The following OC90 variants were observed in gnomAD, a reference collection of about 807,000 sequenced individuals.
OC90 encodes the protein otoconin-90.
Under a neutral mutation model 47.3 loss-of-function variants are expected in OC90, and 46 were observed. The ratio of observed to expected loss-of-function variants is 0.97; its 90% CI spans 0.77 to 1.24. The LOEUF (loss-of-function observed/expected upper bound fraction) is 1.24, where lower values mean the gene tolerates loss of function less well. Ranked by LOEUF, OC90 falls within the 50% of genes most tolerant of loss-of-function variation. The pLI is 0.00. For missense variants in OC90, 688 were observed against 583.9 expected (o/e 1.18, Z -1.84); for synonymous variants, 271 against 219.5 (o/e 1.23, Z -2.07).
chr8:132,044,909 C>T (rs1031271828), intron 3 of OC90, among the ~76,000 whole-genome samples: 15 of 152,156 alleles, frequency 9.9e-5, no homozygotes, highest in East Asian at 3.8e-4. Flanking sequence ...GCTTCTAAGC[C>T]GGGGCTGGTC....
chr8:132,041,076 T>C lies in OC90; in HGVS notation c.425A>G (p.Glu142Gly). ...GATCTTCTTGCTGACACAATTGACC[T>C]CTGTGCTAAGTTTGGCGGGGTCTTG... The part of the protein sequence containing the change: ...CLQDPAKLST[E>G]VNCVSKKIIC... The change falls in exon 6 of 14, where the codon GAG (glutamate) becomes GGG (glycine). Residue 142 changes from glutamate (E) to glycine (G), a missense_variant. By Grantham distance (98) the Glu-to-Gly change is moderately conservative. Coordinates refer to ENST00000254627, the MANE Select transcript of OC90 (RefSeq NM_001080399.3). 6.2e-7 allele frequency: 1 copy of C among 1,612,320 alleles called. No homozygotes were observed.
In OC90 at chr8:132,052,641, C is replaced by A. The variant is rs921165622; in HGVS notation, c.46+2340G>T. Among the ~76,000 whole-genome samples the A allele has an allele frequency of 3.3e-5, 5 of 152,208 alleles. No homozygotes were observed. In the East Asian group the frequency reaches 9.6e-4, roughly 29 times the overall value. On this transcript the variant is annotated intron_variant, in intron 2 of 13. Coordinates refer to ENST00000254627, the MANE Select transcript of OC90 (RefSeq NM_001080399.3). ...TTTATCCCCGAGGACTAAGTTAGTTCACTCACAAAGTCCAACAGTGCAGCT... is the reference window on the plus strand; with the variant it reads ...TTTATCCCCGAGGACTAAGTTAGTTAACTCACAAAGTCCAACAGTGCAGCT...
chr8:132,044,611 T>C (rs941607836), intron 3 of OC90, 122 bp from the exon 4 acceptor site: 3 of 641,546 alleles, frequency 4.7e-6, no homozygotes, highest in African/African-American at 1.8e-5. Context: ...AAATTGACCT[T>C]GGGCTAAGCT....
At chr8:132,044,343 G>A in intron 4 of OC90, 90 bp downstream of exon 4, 1 of 747,926 alleles carries the variant, frequency 1.3e-6, no homozygotes, top group Non-Finnish European at 2.4e-6. Context: ...GAGCTCCGAG[G>A]GTTGAGACCA....
chr8:132,032,987 G>T, intron 11 of OC90, 52 bp downstream of exon 11: 3 of 1,582,540 alleles, frequency 1.9e-6, no homozygotes, highest in Admixed American at 1.8e-5. Flanking sequence ...ATTGTTCACA[G>T]CCTCACCAAA....
intron 1 of OC90, among the ~76,000 whole-genome samples, chr8:132,056,872 A>G (rs1823285848): frequency 6.6e-6 from 1 of 152,146 alleles, no homozygotes. Flanking sequence ...TTTTATTGTG[A>G]CCATCACACC....
intron 2 of OC90, chr8:132,049,851 T>A (rs1183589803): frequency 3.9e-6 from 2 of 518,370 alleles, no homozygotes; most frequent in Non-Finnish European, 7.7e-6. Context: ...TCACAGATGA[T>A]AACGTCTTCA....
At chr8:132,025,555 A>T (rs1184896697) in intron 13 of OC90, among the ~76,000 whole-genome samples, 1 of 152,164 alleles carries the variant, frequency 6.6e-6, no homozygotes, top group African/African-American at 2.4e-5. Flanking sequence ...TTGTGCATGC[A>T]GTGATTAGCT....
chr8:132,040,999 T>A (rs1252979118), intron 6 of OC90, 45 bp downstream of exon 6: 1 of 1,166,782 alleles, frequency 8.6e-7, no homozygotes, highest in South Asian at 1.2e-5. Flanking sequence ...ATCCCTGGAC[T>A]GTCATTTCTG....
chr8:132,024,409 G>A lies in OC90; in HGVS notation c.*72C>T. On this transcript the variant is annotated 3_prime_UTR_variant, in exon 14 of 14. Transcript: ENST00000254627. ...AAGAAGGCTCCAAGGGACAGAGGAG[G>A]CTGAGAGATAAAGAGCTGAAGGTGG... The A allele has an allele frequency of 8.2e-7, 1 of 1,221,508 alleles. No homozygotes were observed. The highest frequency in any genetic ancestry group is 2.4e-4 in the Middle Eastern group (1 of 4,210). The allele number at this position is 1,221,508 out of a possible 1,614,324, so 75.7% of individuals were successfully genotyped here. A position where few individuals can be genotyped will look rare whatever the true frequency, so the allele number is the denominator to read the frequency against.
Position 132,034,819 on chromosome 8 carries a change from T to C in OC90, c.695A>G (p.Gln232Arg), listed in dbSNP as rs755347597. Residue 232 changes from glutamine (Q) to arginine (R), a missense_variant, in exon 10 of 14, where the codon CAG becomes CGG. Gln to Arg is a conservative substitution (Grantham distance 43). Coordinates refer to ENST00000254627, the MANE Select transcript of OC90 (RefSeq NM_001080399.3). Reference protein sequence around the residue: ...ALSGEEAGHDQEGVGAARATS... With the variant: ...ALSGEEAGHDREGVGAARATS... ...AGCCCTAGCAGCTCCCACTCCTTCC[T>C]GATCGTGGCCTGCTTCTGTTCCCCA... 12 of 1,612,980 alleles carry C rather than the reference T, an allele frequency of 7.4e-6. No homozygotes were observed. The East Asian group carries it at 2.5e-4, about 33-fold the overall frequency.
At chr8:132,026,039 C>T (rs1032501880) in intron 13 of OC90, among the ~76,000 whole-genome samples, 6 of 152,108 alleles carry the variant, frequency 3.9e-5, no homozygotes, top group African/African-American at 7.2e-5. Flanking sequence ...TCAGTTAATA[C>T]GTTTGAATGT....
intron 12 of OC90, among the ~76,000 whole-genome samples, chr8:132,029,380 G>A (rs573224264): frequency 1.1e-4 from 16 of 152,250 alleles, no homozygotes; most frequent in Admixed American, 2.6e-4. Context: ...CAAAGGCCAC[G>A]TCTAAGGCGG....
chr8:132,049,189 G>A (rs1030262621), intron 2 of OC90, among the ~76,000 whole-genome samples: 1 of 151,590 alleles, frequency 6.6e-6, no homozygotes, highest in South Asian at 2.1e-4. Context: ...ACCTTCTGAT[G>A]TTATTTCCTT....
chr8:132,045,999 C>G (rs1490051949), intron 2 of OC90, 116 bp from the exon 3 acceptor site: 1 of 672,886 alleles, frequency 1.5e-6, no homozygotes, highest in Non-Finnish European at 2.7e-6. Flanking sequence ...AAATTCAATT[C>G]CATGCATATT....
chr8:132,033,320 A>G (rs922860445), intron 10 of OC90, among the ~76,000 whole-genome samples, 156 bp from the exon 11 acceptor site: 3 of 152,234 alleles, frequency 2.0e-5, no homozygotes, highest in Admixed American at 1.3e-4. Context: ...CAGAGTCTTA[A>G]GAATTCTACA....
At chr8:132,035,410 G>A (rs1477234061) in intron 9 of OC90, among the ~76,000 whole-genome samples, 1 of 152,162 alleles carries the variant, frequency 6.6e-6, no homozygotes, top group Non-Finnish European at 1.5e-5. Flanking sequence ...ACACAGAAAA[G>A]TTAGGTCCCT....
At chr8:132,026,733 C>T (rs564700377) in intron 13 of OC90, among the ~76,000 whole-genome samples, 1 of 152,184 alleles carries the variant, frequency 6.6e-6, no homozygotes, top group Non-Finnish European at 1.5e-5. Flanking sequence ...GGCTTCAGCC[C>T]AGCAGGTGAG....
chr8:132,027,780 C>A (rs1056227279), intron 13 of OC90, among the ~76,000 whole-genome samples: 2 of 152,226 alleles, frequency 1.3e-5, no homozygotes, highest in Non-Finnish European at 2.9e-5. Flanking sequence ...GCACGCCTTG[C>A]TCTTCAGCCA....
Sources: allele counts gnomAD v4.1 joint callset (sites outside exome capture counted in the v4.1 genomes callset), GRCh38; gene constraint gnomAD v4.1.1; transcripts MANE v1.5; gene names NCBI Gene and HGNC (gene_info 2026-07-23, HGNC 2026-07-21).